Variants in VNN2 observed in about 807,000 individuals in gnomAD.
VNN2 encodes pantetheine hydrolase VNN2.
A neutral mutation model predicts 43.0 loss-of-function variants in VNN2; 43 were observed. The ratio of observed to expected loss-of-function variants is 1.00; its 90% CI spans 0.78 to 1.29. The LOEUF (loss-of-function observed/expected upper bound fraction) is 1.29. Among genes scored for constraint, VNN2 ranks in the 50% most tolerant of loss-of-function variants. VNN2 has a pLI of 0.00. For missense variants in VNN2, 652 were observed against 619.7 expected (o/e 1.05, Z -0.55); for synonymous variants, 230 against 224.3 (o/e 1.03, Z -0.23).
Position 132,743,996 on chromosome 6 carries a change from A to G in VNN2, c.*304T>C, listed in dbSNP as rs35753298. On this transcript the variant is annotated 3_prime_UTR_variant, in exon 7 of 7. Coordinates refer to ENST00000326499, the MANE Select transcript of VNN2 (RefSeq NM_004665.6). Reference sequence around the variant, plus strand: ...CCTGAAACTCCTCACTCCCATACATACAAGTCCCCCATACACACAAAGTCT... The same window carrying G: ...CCTGAAACTCCTCACTCCCATACATGCAAGTCCCCCATACACACAAAGTCT... The G allele has an allele frequency of 1.4e-5, 3 of 211,106 alleles. No individual in the cohort carries two copies. The highest frequency in any genetic ancestry group is 1.9e-5 in the Non-Finnish European group (2 of 107,746). 13.1% of individuals were successfully genotyped at this position (211,106 alleles called of 1,614,324 possible).
In VNN2 at chr6:132,751,333, T is replaced by C; in HGVS notation, c.1012A>G (p.Arg338Gly). The C allele has an allele frequency of 6.2e-7, 1 of 1,614,172 alleles. No homozygotes were observed. Among genetic ancestry groups the C allele is most frequent in the Non-Finnish European group, 8.5e-7 (1 of 1,180,012 alleles). ...AACCCATCCCTGGAAATAAATCCCC[T>C]GAAAGTGTTTTTCTGTACTGGAAAT... ...KPFPVQKNTF[R>G]GFISRDGFNF... The change falls in exon 5 of 7, where the codon AGG becomes GGG. Residue 338 changes from arginine to glycine, a missense_variant. Physicochemically the swap from Arg to Gly is moderately radical, Grantham distance 125. Coordinates refer to ENST00000326499, the MANE Select transcript of VNN2 (RefSeq NM_004665.6).
chr6:132,757,732 A>C lies in VNN2; in HGVS notation c.152T>G (p.Leu51Trp). Residue 51 changes from leucine (L) to tryptophan (W), a missense_variant, in exon 1 of 7, where the codon TTG becomes TGG. Coordinates refer to ENST00000326499, the MANE Select transcript of VNN2 (RefSeq NM_004665.6). ...TETPVSQEDA[L>W]NLMNENIDIL... ...GTCTATATTCTCGTTCATGAGATTCAAGGCATCCTCCTGAGAAACTGGTGT... is the reference window on the plus strand; with the variant it reads ...GTCTATATTCTCGTTCATGAGATTCCAGGCATCCTCCTGAGAAACTGGTGT... 1 of 1,614,160 alleles carries C rather than the reference A, an allele frequency of 6.2e-7. No individual in the cohort carries two copies. The highest frequency in any genetic ancestry group is 8.5e-7 in the Non-Finnish European group (1 of 1,180,036).
upstream of VNN2, among the ~76,000 whole-genome samples, chr6:132,760,173 GT>G (rs1051301639): frequency 6.6e-6 from 1 of 151,850 alleles, no homozygotes; most frequent in Non-Finnish European, 1.5e-5. Flanking sequence ...GGGTTTTTTT[GT>G]TTTTTGTTTT....
chr6:132,752,913 T>G, intron 3 of VNN2, 164 bp from the exon 4 acceptor site: 1 of 674,210 alleles, frequency 1.5e-6, no homozygotes, highest in Non-Finnish European at 2.5e-6. Context: ...AAGGAAAATG[T>G]GGAGGAATAT....
At chr6:132,749,484 C>A (rs1779921527) in intron 6 of VNN2, among the ~76,000 whole-genome samples, 1 of 152,072 alleles carries the variant, frequency 6.6e-6, no homozygotes, top group Admixed American at 6.6e-5. Context: ...ACACAATGAG[C>A]CCAGCCAACG....
At chr6:132,756,090 T>C (rs1352562929) in intron 2 of VNN2, 55 bp from the exon 3 acceptor site, 2 of 1,449,904 alleles carry the variant, frequency 1.4e-6, no homozygotes, top group Non-Finnish European at 1.8e-6. Flanking sequence ...TTTAGTCACT[T>C]TATATGGAAA....
In VNN2 at chr6:132,748,691, A is replaced by G. The variant is rs139252347; in HGVS notation, c.1371+1004T>C. ...TGCATGTGTGCAAGTGTTGTATATT[A>G]GCAGATATAAGCCTGCAGAGTCATA... On this transcript the variant is annotated intron_variant, in intron 6 of 6. Coordinates refer to ENST00000326499, the MANE Select transcript of VNN2 (RefSeq NM_004665.6). Among the ~76,000 whole-genome samples, 644 of 152,392 alleles carry G rather than the reference A, an allele frequency of 4.2e-3. 2 individuals are homozygous for G. Among genetic ancestry groups the G allele is most frequent in the Non-Finnish European group, 6.7e-3 (454 of 68,038 alleles).
chr6:132,749,494 G>A (rs1024939535), intron 6 of VNN2, among the ~76,000 whole-genome samples: 8 of 152,068 alleles, frequency 5.3e-5, no homozygotes, highest in African/African-American at 1.7e-4. Flanking sequence ...CCCAGCCAAC[G>A]TCAACTGAGC....
Position 132,756,368 on chromosome 6 carries a change from C to A in VNN2, c.345-333G>T, listed in dbSNP as rs35939522. On this transcript the variant is annotated intron_variant, in intron 2 of 6. Coordinates refer to ENST00000326499, the MANE Select transcript of VNN2 (RefSeq NM_004665.6). ...CCTCTTTTGACCTTTCCAAACATGCCCTTCCAAATATTGCTTTAATCCTCA... is the reference window on the plus strand; with the variant it reads ...CCTCTTTTGACCTTTCCAAACATGCACTTCCAAATATTGCTTTAATCCTCA... Among the ~76,000 whole-genome samples the A allele has an allele frequency of 4.4e-3, 676 of 152,272 alleles. 13 individuals are homozygous for A. In the East Asian group the frequency reaches 0.067, roughly 15 times the overall value.
intron 6 of VNN2, among the ~76,000 whole-genome samples, chr6:132,747,346 G>C (rs965485003): frequency 1.3e-5 from 2 of 152,122 alleles, no homozygotes. Context: ...GGCCAGGCAT[G>C]GTGGCTCATG....
At chr6:132,753,323 C>T (rs952575483) in intron 3 of VNN2, 1 of 323,418 alleles carries the variant, frequency 3.1e-6, no homozygotes, top group Non-Finnish European at 6.1e-6. Flanking sequence ...CAGCACCTGG[C>T]CCTATAAGCT....
At chr6:132,763,196 T>C (rs1225378999) in intron 1 of VNN2, among the ~76,000 whole-genome samples, 2 of 151,146 alleles carry the variant, frequency 1.3e-5, no homozygotes, top group Non-Finnish European at 2.9e-5. Context: ...TGAAAGGGTA[T>C]GGTAAGAAAA....
intron 6 of VNN2, among the ~76,000 whole-genome samples, chr6:132,748,690 T>G (rs1779868043): frequency 6.6e-6 from 1 of 152,260 alleles, no homozygotes; most frequent in Non-Finnish European, 1.5e-5. Context: ...TGTTGTATAT[T>G]AGCAGATATA....
intron 5 of VNN2, among the ~76,000 whole-genome samples, chr6:132,750,553 A>G (rs981936735): frequency 6.8e-6 from 1 of 146,626 alleles, no homozygotes; most frequent in African/African-American, 2.5e-5. Flanking sequence ...AGTCCCAGCT[A>G]CTCAGGAGGC....
At chr6:132,758,073 T>C (rs1780617064), upstream of VNN2, 1 of 473,410 alleles carries the variant, frequency 2.1e-6, no homozygotes, top group Non-Finnish European at 3.5e-6. Context: ...TGAGGCGGAG[T>C]TTGCTCTGTC....
upstream of VNN2, among the ~76,000 whole-genome samples, chr6:132,762,473 C>CA (rs560596167): frequency 1.3e-5 from 2 of 152,122 alleles, no homozygotes; most frequent in South Asian, 4.2e-4. Flanking sequence ...ATACTGTATC[C>CA]AAAAAAAGTA....
intron 5 of VNN2, among the ~76,000 whole-genome samples, chr6:132,750,698 GA>G (rs1286676376): frequency 6.7e-6 from 1 of 149,004 alleles, no homozygotes. Context: ...AAAAGAAAAA[GA>G]AAGCTATACA....
At chr6:132,747,120 G>A (rs1302551259) in intron 6 of VNN2, among the ~76,000 whole-genome samples, 1 of 152,068 alleles carries the variant, frequency 6.6e-6, no homozygotes, top group African/African-American at 2.4e-5. Context: ...CAATTTAAAC[G>A]GTAGGTGCTA....
At chr6:132,758,362 C>T (rs73546701), upstream of VNN2, among the ~76,000 whole-genome samples, 39 of 152,070 alleles carry the variant, frequency 2.6e-4, no homozygotes, top group African/African-American at 5.1e-4. Context: ...ATCTTAAGAA[C>T]GCAATATATC....
Sources: allele counts gnomAD v4.1 joint callset (sites outside exome capture counted in the v4.1 genomes callset), GRCh38; gene constraint gnomAD v4.1.1; transcripts MANE v1.5; gene names NCBI Gene and HGNC (gene_info 2026-07-23, HGNC 2026-07-21).